Variants in FGD5 observed in about 807,000 individuals in gnomAD.
FGD5 encodes the protein FYVE, RhoGEF and PH domain-containing protein 5.
A neutral mutation model predicts 133.4 loss-of-function variants in FGD5; 28 were observed. The observed-to-expected ratio is 0.21, with a 90% CI of 0.16 to 0.29. The LOEUF is 0.29. Ranked by LOEUF, FGD5 falls within the 10% of genes least tolerant of loss-of-function variation. The pLI is 1.00. For missense variants in FGD5, 1,858 were observed against 1,895.2 expected (o/e 0.98, Z 0.36); for synonymous variants, 810 against 776.5 (o/e 1.04, Z -0.72).
At chr3:14,810,959 G>C in intron 1 of FGD5, 1 of 954,596 alleles carries the variant, frequency 1.0e-6, no homozygotes. Flanking sequence ...CCCGGGGCTA[G>C]CTGCCCGAAA....
At chr3:14,846,273 G>A (rs2037049953) in intron 1 of FGD5, among the ~76,000 whole-genome samples, 1 of 152,080 alleles carries the variant, frequency 6.6e-6, no homozygotes, top group Admixed American at 6.5e-5. Flanking sequence ...TAGTGAGGAT[G>A]GGGCTGAGGG....
chr3:14,877,071 C>T (rs943497931), intron 2 of FGD5, among the ~76,000 whole-genome samples: 2 of 152,120 alleles, frequency 1.3e-5, no homozygotes, highest in African/African-American at 4.8e-5. Context: ...ATAGCAATAG[C>T]ATGGGCCTTG....
intron 1 of FGD5, among the ~76,000 whole-genome samples, chr3:14,846,618 T>C (rs1054267006): frequency 1.3e-5 from 2 of 152,078 alleles, no homozygotes; most frequent in Admixed American, 1.3e-4. Flanking sequence ...CTGTGCTGGG[T>C]CCAGAGTCAG....
intron 4 of FGD5, among the ~76,000 whole-genome samples, chr3:14,889,314 G>T (rs2037982001): frequency 6.6e-6 from 1 of 152,202 alleles, no homozygotes; most frequent in Non-Finnish European, 1.5e-5. Flanking sequence ...CATGAGAGTG[G>T]TTTAGCTTGT....
At chr3:14,891,198 T>C (rs1488822686) in intron 4 of FGD5, among the ~76,000 whole-genome samples, 1 of 151,732 alleles carries the variant, frequency 6.6e-6, no homozygotes, top group Admixed American at 6.6e-5. Context: ...GGGGAAAGAG[T>C]TGGGAGTCCT....
upstream of FGD5, chr3:14,810,835 G>A: frequency 1.0e-6 from 1 of 984,880 alleles, no homozygotes; most frequent in South Asian, 4.7e-5. Flanking sequence ...ACGGCGGCCC[G>A]GGCCCCGCGC....
intron 1 of FGD5, among the ~76,000 whole-genome samples, chr3:14,830,394 C>T (rs1351328628): frequency 2.0e-5 from 3 of 152,116 alleles, no homozygotes; most frequent in Admixed American, 6.5e-5. Flanking sequence ...GGGAAGGACC[C>T]TAATAAGAAA....
At chr3:14,848,710 G>A (rs962062957) in intron 1 of FGD5, among the ~76,000 whole-genome samples, 5 of 152,290 alleles carry the variant, frequency 3.3e-5, no homozygotes, top group Admixed American at 3.3e-4. Flanking sequence ...AACCTTGAAA[G>A]GTACCCACCC....
intron 4 of FGD5, among the ~76,000 whole-genome samples, chr3:14,884,697 G>A (rs562843660): frequency 2.6e-5 from 4 of 152,226 alleles, no homozygotes; most frequent in African/African-American, 7.2e-5. Flanking sequence ...TGATGTCTGG[G>A]GCCTCAGCTG....
chr3:14,910,830 T>A, intron 10 of FGD5, 31 bp from the exon 11 acceptor site: 1 of 1,606,412 alleles, frequency 6.2e-7, no homozygotes, highest in Non-Finnish European at 8.5e-7. Flanking sequence ...GGCATCAGCC[T>A]GACCGCCAAG....
chr3:14,832,567 A>T (rs1028842935), intron 1 of FGD5, among the ~76,000 whole-genome samples: 1 of 152,142 alleles, frequency 6.6e-6, no homozygotes, highest in Non-Finnish European at 1.5e-5. Context: ...CCCTTTGGGC[A>T]TAGTTATCCA....
chr3:14,817,111 C>T (rs2036381467), upstream of FGD5, among the ~76,000 whole-genome samples: 1 of 152,098 alleles, frequency 6.6e-6, no homozygotes, highest in South Asian at 2.1e-4. Context: ...TGTCAAACAC[C>T]TCATTAATAC....
intron 4 of FGD5, among the ~76,000 whole-genome samples, chr3:14,890,869 T>C (rs571193687): frequency 6.6e-6 from 1 of 152,334 alleles, no homozygotes; most frequent in East Asian, 1.9e-4. Context: ...GACAAAGCAG[T>C]TGTAATCATC....
At chr3:14,889,996 A>G (rs966345641) in intron 4 of FGD5, among the ~76,000 whole-genome samples, 1 of 152,100 alleles carries the variant, frequency 6.6e-6, no homozygotes, top group Non-Finnish European at 1.5e-5. Context: ...AGTTTTTTTT[A>G]ACAGCTTCAT....
chr3:14,906,573 G>C (rs1244927276), intron 9 of FGD5, among the ~76,000 whole-genome samples: 1 of 152,234 alleles, frequency 6.6e-6, no homozygotes, highest in Non-Finnish European at 1.5e-5. Context: ...TGCCTTTCTC[G>C]TGGGCACGTG....
At chr3:14,853,840 G>C (rs1193338727) in intron 1 of FGD5, among the ~76,000 whole-genome samples, 1 of 88,066 alleles carries the variant, frequency 1.1e-5, no homozygotes, top group African/African-American at 4.3e-5. Flanking sequence ...AAAAGGACTA[G>C]GCTCATTTGG....
intron 1 of FGD5, among the ~76,000 whole-genome samples, chr3:14,841,075 T>C (rs1460626012): frequency 6.6e-6 from 1 of 152,224 alleles, no homozygotes; most frequent in Non-Finnish European, 1.5e-5. Context: ...GATATTTGGC[T>C]GTTTTGTAAA....
intron 2 of FGD5, among the ~76,000 whole-genome samples, chr3:14,875,215 C>G (rs972935713): frequency 7.2e-5 from 11 of 152,154 alleles, no homozygotes; most frequent in Admixed American, 6.5e-4. Flanking sequence ...CAGCTGGCCC[C>G]TTCATTGGGA....
At chr3:14,847,565 T>C (rs1405893447) in intron 1 of FGD5, among the ~76,000 whole-genome samples, 1 of 152,228 alleles carries the variant, frequency 6.6e-6, no homozygotes, top group Non-Finnish European at 1.5e-5. Context: ...TATGTTCTCG[T>C]TGTTTTGTAT....
Sources: gnomAD v4.1 joint callset for allele counts (sites outside exome capture counted in the v4.1 genomes callset) on GRCh38, gnomAD v4.1.1 for gene constraint, MANE v1.5 for transcripts, NCBI Gene and HGNC (gene_info 2026-07-23, HGNC 2026-07-21) for gene names.